Variants in CTIF observed in about 807,000 individuals in gnomAD.
CTIF encodes the protein cap binding complex dependent translation initiation factor.
A neutral mutation model predicts 66.0 loss-of-function variants in CTIF; 21 were observed. That is an observed-to-expected ratio of 0.32 (90% CI 0.23 to 0.46). The LOEUF (loss-of-function observed/expected upper bound fraction) is 0.46, where lower values mean the gene tolerates loss of function less well. Ranked by LOEUF, CTIF falls within the 20% of genes least tolerant of loss-of-function variation. The pLI is 1.00. For synonymous variants in CTIF, 345 were observed against 326.4 expected (o/e 1.06, Z -0.62); for missense variants, 739 against 812.7 (o/e 0.91, Z 1.10).
rs535493412 is a variant in CTIF at position 48,762,969 on chromosome 18, C to T, written c.1371+1280C>T. On this transcript the variant is annotated intron_variant, in intron 9 of 11. Transcript: ENST00000256413. ...AGCCTGGGCTGCTTCTCTCCTGCTCCAGGCCCTGATCAGGTTCCCATTCCT... is the reference window on the plus strand; with the variant it reads ...AGCCTGGGCTGCTTCTCTCCTGCTCTAGGCCCTGATCAGGTTCCCATTCCT... Among the ~76,000 whole-genome samples the T allele has an allele frequency of 1.6e-4, 24 of 152,344 alleles. 1 individual carries two copies. In the South Asian group the frequency reaches 4.6e-3, roughly 29 times the overall value.
intron 1 of CTIF, among the ~76,000 whole-genome samples, chr18:48,548,419 A>G (rs2088806212): frequency 6.6e-6 from 1 of 152,218 alleles, no homozygotes; most frequent in Admixed American, 6.5e-5. Flanking sequence ...AGTATTTTTT[A>G]CAGCATGCGG....
chr18:48,556,792 T>C, intron 1 of CTIF, among the ~76,000 whole-genome samples: 1 of 152,100 alleles, frequency 6.6e-6, no homozygotes, highest in Non-Finnish European at 1.5e-5. Flanking sequence ...CTTGAAATCT[T>C]GACCTCAGGT....
intron 1 of CTIF, among the ~76,000 whole-genome samples, chr18:48,597,846 G>C (rs529242607): frequency 2.6e-5 from 4 of 152,240 alleles, no homozygotes; most frequent in African/African-American, 9.7e-5. Flanking sequence ...CTGGCATGCA[G>C]CTCCAGCCCT....
At chr18:48,729,871 G>A (rs995553411) in intron 7 of CTIF, among the ~76,000 whole-genome samples, 1 of 152,210 alleles carries the variant, frequency 6.6e-6, no homozygotes, top group Non-Finnish European at 1.5e-5. Flanking sequence ...AGCACCCAGT[G>A]GTGGGACAGT....
chr18:48,697,677 C>T (rs2092027249), intron 6 of CTIF, among the ~76,000 whole-genome samples: 1 of 152,114 alleles, frequency 6.6e-6, no homozygotes, highest in Non-Finnish European at 1.5e-5. Context: ...AGTGCTCCTT[C>T]TGCTGCATTG....
At chr18:48,751,652 G>A (rs1477850499) in intron 7 of CTIF, among the ~76,000 whole-genome samples, 2 of 152,212 alleles carry the variant, frequency 1.3e-5, no homozygotes, top group Non-Finnish European at 2.9e-5. Flanking sequence ...CATATCAGGA[G>A]TCTGGAGGGC....
intron 10 of CTIF, among the ~76,000 whole-genome samples, chr18:48,838,913 C>G (rs559818491): frequency 2.6e-5 from 4 of 152,274 alleles, no homozygotes; most frequent in African/African-American, 9.6e-5. Flanking sequence ...CCGGGCCTGC[C>G]CACCAGCCCC....
intron 1 of CTIF, among the ~76,000 whole-genome samples, chr18:48,595,281 G>A (rs1034883441): frequency 2.6e-5 from 4 of 152,192 alleles, no homozygotes; most frequent in South Asian, 2.1e-4. Flanking sequence ...CGAGGGGACT[G>A]AGAGCAAAGG....
At chr18:48,591,199 C>A (rs769094691) in intron 1 of CTIF, among the ~76,000 whole-genome samples, 4 of 152,198 alleles carry the variant, frequency 2.6e-5, no homozygotes, top group Non-Finnish European at 2.9e-5. Flanking sequence ...ACTCAGGAGG[C>A]AGTCCGATGG....
At chr18:48,548,482 A>C (rs1465461960) in intron 1 of CTIF, among the ~76,000 whole-genome samples, 1 of 152,206 alleles carries the variant, frequency 6.6e-6, no homozygotes, top group Non-Finnish European at 1.5e-5. Flanking sequence ...TCAGGAAGCA[A>C]AATGTCTTTC....
At chr18:48,858,825 GGGATCA>G (rs1168972489) in intron 11 of CTIF, among the ~76,000 whole-genome samples, 13 of 152,202 alleles carry the variant, frequency 8.5e-5, no homozygotes, top group East Asian at 1.9e-4. Flanking sequence ...GCTGGGAGAT[GGGATCA>G]GGATCAGGAG....
intron 7 of CTIF, among the ~76,000 whole-genome samples, chr18:48,722,164 A>G (rs182605382): frequency 3.5e-4 from 52 of 148,922 alleles, no homozygotes; most frequent in Admixed American, 3.0e-3. Flanking sequence ...CAGATCTGGC[A>G]CACAGTCATA....
chr18:48,713,352 G>T (rs2092248145), intron 7 of CTIF, among the ~76,000 whole-genome samples: 1 of 152,274 alleles, frequency 6.6e-6, no homozygotes, highest in African/African-American at 2.4e-5. Flanking sequence ...CCAGGCAATG[G>T]CAGGCTGCCA....
chr18:48,838,662 G>A (rs868648370), intron 10 of CTIF, among the ~76,000 whole-genome samples: 30 of 152,264 alleles, frequency 2.0e-4, no homozygotes, highest in Middle Eastern at 6.8e-3. Context: ...TTTAGTGTAG[G>A]AGCCTTCACT....
chr18:48,634,234 G>A (rs1380413920), intron 2 of CTIF, among the ~76,000 whole-genome samples: 1 of 152,112 alleles, frequency 6.6e-6, no homozygotes, highest in Non-Finnish European at 1.5e-5. Context: ...TGCCCGTCTC[G>A]ATGCACCACA....
intron 1 of CTIF, among the ~76,000 whole-genome samples, chr18:48,603,352 C>T (rs139214665): frequency 5.3e-3 from 391 of 73,864 alleles, no homozygotes; most frequent in African/African-American, 0.029. Context: ...TTGGGATGGA[C>T]GGCTAGATAG....
chr18:48,632,439 A>G (rs2090736298), intron 2 of CTIF, among the ~76,000 whole-genome samples: 1 of 152,088 alleles, frequency 6.6e-6, no homozygotes, highest in African/African-American at 2.4e-5. Context: ...TTTCTTGTGC[A>G]CAGATCACCC....
chr18:48,788,278 A>G (rs1225072787), intron 9 of CTIF, among the ~76,000 whole-genome samples: 1 of 152,208 alleles, frequency 6.6e-6, no homozygotes, highest in Non-Finnish European at 1.5e-5. Flanking sequence ...AGCTTTGAGT[A>G]TAGAGCTTCA....
chr18:48,594,088 C>T (rs1235860963), intron 1 of CTIF, among the ~76,000 whole-genome samples: 1 of 151,076 alleles, frequency 6.6e-6, no homozygotes, highest in Admixed American at 6.6e-5. Flanking sequence ...CCCCTTCCCC[C>T]ACTCCTGCAA....
Sources: gnomAD v4.1 joint callset for allele counts (sites outside exome capture counted in the v4.1 genomes callset) on GRCh38, gnomAD v4.1.1 for gene constraint, MANE v1.5 for transcripts, NCBI Gene and HGNC (gene_info 2026-07-23, HGNC 2026-07-21) for gene names.